Variants in KTN1 observed in about 807,000 individuals in gnomAD.
KTN1 encodes kinectin.
In KTN1, 130 loss-of-function variants were observed where a neutral mutation model predicts 222.5. The observed-to-expected ratio is 0.58, with a 90% CI of 0.51 to 0.68. The LOEUF is 0.68. Ranked by LOEUF, KTN1 falls within the 30% of genes least tolerant of loss-of-function variation. The pLI, the probability that KTN1 is intolerant of heterozygous loss-of-function variation, is 0.00. For missense variants in KTN1, 1,508 were observed against 1,500.4 expected (o/e 1.01, Z -0.08); for synonymous variants, 512 against 496.3 (o/e 1.03, Z -0.42).
chr14:55,607,462 T>A (rs1451519317), intron 1 of KTN1: 2 of 152,180 alleles, frequency 1.3e-5, no homozygotes, highest in Non-Finnish European at 2.9e-5. Flanking sequence ...TAAAACTTAG[T>A]GAGTGTGGAT....
At position 55,670,639 on chromosome 14, in the gene KTN1, T is replaced by C. The variant is rs140113107; in HGVS notation, c.3268-90T>C. 2.2e-4 allele frequency: 185 copies of C among 830,150 alleles called. No individual in the cohort carries two copies. The African/African-American group carries it at 2.4e-3, about 11-fold the overall frequency. The allele number at this position is 830,150 out of a possible 1,614,324, so 51.4% of individuals were successfully genotyped here. ...TCTGTGTAGGTTTCTTTTATAATTATCTAATTTGGTTATTTTAAATGTTTC... is the reference window on the plus strand; with the variant it reads ...TCTGTGTAGGTTTCTTTTATAATTACCTAATTTGGTTATTTTAAATGTTTC... On this transcript the variant is annotated intron_variant, in intron 34 of 43. Transcript: ENST00000395314.
At chr14:55,674,000 ATTT>A (rs925388541) in intron 40 of KTN1, 1 of 147,360 alleles carries the variant, frequency 6.8e-6, no homozygotes, top group African/African-American at 2.5e-5. Flanking sequence ...CAGGGATTAG[ATTT>A]TTTTTTTTTA....
chr14:55,617,295 G>A (rs1030012179), intron 3 of KTN1, among the ~76,000 whole-genome samples: 3 of 152,108 alleles, frequency 2.0e-5, no homozygotes, highest in African/African-American at 7.2e-5. Flanking sequence ...TTGAAAGGTA[G>A]GAATGAAAAG....
At chr14:55,657,212 C>T (rs942940377) in intron 29 of KTN1, among the ~76,000 whole-genome samples, 1 of 152,176 alleles carries the variant, frequency 6.6e-6, no homozygotes, top group African/African-American at 2.4e-5. Context: ...AACTAAGGGC[C>T]ATTTCACCTT....
intron 1 of KTN1, among the ~76,000 whole-genome samples, chr14:55,588,244 CTGTG>C (rs1211245686): frequency 6.6e-6 from 1 of 152,140 alleles, no homozygotes; most frequent in African/African-American, 2.4e-5. Flanking sequence ...TCATAAGAGA[CTGTG>C]TATTTACAAT....
intron 41 of KTN1, among the ~76,000 whole-genome samples, chr14:55,677,917 C>T (rs1170455422): frequency 2.6e-5 from 4 of 152,142 alleles, no homozygotes; most frequent in African/African-American, 4.8e-5. Context: ...AGGCTGGTCT[C>T]GAACTCCCGA....
intron 29 of KTN1, among the ~76,000 whole-genome samples, chr14:55,657,394 G>T: frequency 8.2e-6 from 1 of 121,564 alleles, no homozygotes; most frequent in African/African-American, 3.1e-5. Context: ...CCACTGAGTT[G>T]ACGTTTTTTT....
intron 1 of KTN1, among the ~76,000 whole-genome samples, chr14:55,610,630 A>T (rs1830527320): frequency 6.6e-6 from 1 of 152,226 alleles, no homozygotes; most frequent in African/African-American, 2.4e-5. Flanking sequence ...AATTAACTTT[A>T]ATTTGCTTTA....
chr14:55,646,466 TTTCCTTTCC>T (rs1447228359), intron 18 of KTN1, among the ~76,000 whole-genome samples: 10 of 52,586 alleles, frequency 1.9e-4, no homozygotes, highest in Admixed American at 6.0e-4. Context: ...TTCCTTTTCC[TTTCCTTTCC>T]TTTCCTTTCC....
intron 1 of KTN1, among the ~76,000 whole-genome samples, chr14:55,607,146 T>C (rs1226502082): frequency 1.3e-5 from 2 of 152,200 alleles, no homozygotes; most frequent in East Asian, 3.8e-4. Flanking sequence ...TATATTAATA[T>C]AAATTGGGTC....
At chr14:55,593,324 A>C (rs1489733348) in intron 1 of KTN1, among the ~76,000 whole-genome samples, 2 of 152,084 alleles carry the variant, frequency 1.3e-5, no homozygotes, top group Non-Finnish European at 2.9e-5. Context: ...TTTGGATTAA[A>C]AAAACTGGTT....
chr14:55,673,199 A>C lies in KTN1; in HGVS notation c.3715A>C (p.Lys1239Gln). The change falls in exon 40 of 44, where the codon AAA becomes CAA. Residue 1239 changes from lysine (K) to glutamine (Q), a missense_variant. Physicochemically the swap from Lys to Gln is moderately conservative, Grantham distance 53. Transcript: ENST00000395314. ...ELKDLLTELQ[K>Q]KLDDSYSEAV... ...GAAAGATCTGTTGACTGAATTGCAG[A>C]AAAAACTTGATGATTCATATTCTGA... is the stretch of plus-strand genomic sequence containing the variant. 1 of 1,613,226 alleles carries C rather than the reference A, an allele frequency of 6.2e-7. No homozygotes were observed. Among genetic ancestry groups the C allele is most frequent in the Non-Finnish European group, 8.5e-7 (1 of 1,179,408 alleles).
chr14:55,644,421 A>G (rs1424511199), intron 18 of KTN1: 1 of 702,464 alleles, frequency 1.4e-6, no homozygotes, highest in Non-Finnish European at 2.6e-6. Context: ...AGGTGTAGGA[A>G]GCAGAAAGAC....
intron 42 of KTN1, chr14:55,678,775 C>G (rs952023030): frequency 3.8e-6 from 1 of 261,354 alleles, no homozygotes; most frequent in Non-Finnish European, 7.4e-6. Context: ...CCTGTCAGAT[C>G]AGTGGCAGCA....
At chr14:55,659,319 T>C (rs2043854042) in intron 30 of KTN1, among the ~76,000 whole-genome samples, 3 of 151,948 alleles carry the variant, frequency 2.0e-5, no homozygotes, top group South Asian at 4.2e-4. Flanking sequence ...TTTTTTTTTT[T>C]TTTTTTAACT....
At chr14:55,618,997 T>C (rs2038773485) in intron 4 of KTN1, among the ~76,000 whole-genome samples, 185 bp from the exon 5 acceptor site, 1 of 152,260 alleles carries the variant, frequency 6.6e-6, no homozygotes, top group Admixed American at 6.5e-5. Flanking sequence ...TTCCGTATTA[T>C]AGATGATAAA....
intron 34 of KTN1, among the ~76,000 whole-genome samples, chr14:55,669,455 CTA>C (rs1210941983): frequency 2.6e-5 from 4 of 152,000 alleles, no homozygotes; most frequent in African/African-American, 9.6e-5. Context: ...GGACAATAAA[CTA>C]TTTATGTTAT....
chr14:55,658,394 C>A, intron 29 of KTN1, 152 bp from the exon 30 acceptor site: 1 of 592,234 alleles, frequency 1.7e-6, no homozygotes. Context: ...CTAATTTCAT[C>A]ATATGTTTTA....
chr14:55,615,998 G>A (rs369085824), intron 2 of KTN1, among the ~76,000 whole-genome samples: 1 of 151,518 alleles, frequency 6.6e-6, no homozygotes, highest in African/African-American at 2.4e-5. Flanking sequence ...CTGCACCTTC[G>A]ACCTCCGGGG....
Sources: allele counts gnomAD v4.1 joint callset (sites outside exome capture counted in the v4.1 genomes callset), GRCh38; gene constraint gnomAD v4.1.1; transcripts MANE v1.5; gene names NCBI Gene and HGNC (gene_info 2026-07-23, HGNC 2026-07-21).